Variants in SORCS2 observed in about 807,000 individuals in gnomAD.
The protein encoded by SORCS2 is sortilin related VPS10 domain containing receptor 2, also known as VPS10 domain-containing receptor SorCS2.
A neutral mutation model predicts 141.6 loss-of-function variants in SORCS2; 100 were observed. The ratio of observed to expected loss-of-function variants is 0.71; its 90% CI spans 0.60 to 0.83. SORCS2 has a LOEUF of 0.83. Among genes scored for constraint, SORCS2 ranks in the 40% least tolerant of loss-of-function variants. The pLI, the probability that SORCS2 is intolerant of heterozygous loss-of-function variation, is 0.00. For synonymous variants in SORCS2, 789 were observed against 676.9 expected (o/e 1.17, Z -2.57); for missense variants, 1,646 against 1,560.2 (o/e 1.05, Z -0.93).
chr4:7,302,104 C>T (rs1717474631), intron 1 of SORCS2, among the ~76,000 whole-genome samples: 1 of 152,372 alleles, frequency 6.6e-6, no homozygotes, highest in South Asian at 2.1e-4. Flanking sequence ...GATGACACGA[C>T]ATTTTATTTT....
At chr4:7,680,311 C>T (rs941445580) in intron 9 of SORCS2, among the ~76,000 whole-genome samples, 8 of 152,256 alleles carry the variant, frequency 5.3e-5, no homozygotes, top group African/African-American at 1.4e-4. Flanking sequence ...GCCCCACCCT[C>T]TCCCAGCCGC....
intron 4 of SORCS2, among the ~76,000 whole-genome samples, chr4:7,640,030 T>C (rs1720565797): frequency 7.0e-6 from 1 of 143,794 alleles, no homozygotes; most frequent in Non-Finnish European, 1.5e-5. Context: ...AGTGTGTACG[T>C]GAGTGTGCAT....
In SORCS2 at chr4:7,389,807, G is replaced by C. The variant is rs562489142; in HGVS notation, c.481-6481G>C. On this transcript the variant is annotated intron_variant, in intron 1 of 26. Coordinates refer to ENST00000507866, the MANE Select transcript of SORCS2 (RefSeq NM_020777.3). ...GTCAAGGCCGGAGCTCATGGCCAAGGGGGTGTGTTTGGAGTGCAGTCCGCG... is the reference window on the plus strand; with the variant it reads ...GTCAAGGCCGGAGCTCATGGCCAAGCGGGTGTGTTTGGAGTGCAGTCCGCG... Among the ~76,000 whole-genome samples, 4 of 152,328 alleles carry C rather than the reference G, an allele frequency of 2.6e-5. No homozygotes were observed. In the South Asian group the frequency reaches 8.3e-4, roughly 32 times the overall value.
At chr4:7,739,836 T>C (rs1439496591) in intron 26 of SORCS2, among the ~76,000 whole-genome samples, 2 of 152,126 alleles carry the variant, frequency 1.3e-5, no homozygotes, top group Admixed American at 1.3e-4. Context: ...CTCGCCACTC[T>C]ACGCCCTGCA....
At chr4:7,271,461 T>A (rs1181078446) in intron 1 of SORCS2, among the ~76,000 whole-genome samples, 2 of 152,190 alleles carry the variant, frequency 1.3e-5, no homozygotes, top group Non-Finnish European at 2.9e-5. Context: ...TGGAATACCC[T>A]TCCCCACTTC....
At chr4:7,605,857 C>T (rs1438349835) in intron 3 of SORCS2, among the ~76,000 whole-genome samples, 4 of 152,156 alleles carry the variant, frequency 2.6e-5, no homozygotes, top group African/African-American at 7.2e-5. Context: ...GCAGAGGCTG[C>T]AGCCAGTGGG....
chr4:7,526,985 C>A (rs2109529029), intron 2 of SORCS2, among the ~76,000 whole-genome samples: 1 of 152,322 alleles, frequency 6.6e-6, no homozygotes, highest in African/African-American at 2.4e-5. Context: ...GTGTATATTT[C>A]ATAGTCCCAG....
chr4:7,667,276 G>GCCCCCCAAA, intron 8 of SORCS2, 63 bp downstream of exon 8: 1 of 1,475,038 alleles, frequency 6.8e-7, no homozygotes, highest in Non-Finnish European at 9.5e-7. Flanking sequence ...TGACTCATGG[G>GCCCCCCAAA]GCAACAGGAC....
chr4:7,557,998 CCA>C (rs1714261021), intron 3 of SORCS2, among the ~76,000 whole-genome samples: 2 of 152,316 alleles, frequency 1.3e-5, no homozygotes, highest in Admixed American at 1.3e-4. Context: ...AACAGTTCAG[CCA>C]GATGCAGTTC....
At chr4:7,291,295 G>A (rs557329624) in intron 1 of SORCS2, among the ~76,000 whole-genome samples, 11 of 152,270 alleles carry the variant, frequency 7.2e-5, no homozygotes, top group African/African-American at 1.4e-4. Flanking sequence ...GGGTGTGGTC[G>A]TTTGCTTTTC....
intron 3 of SORCS2, among the ~76,000 whole-genome samples, chr4:7,635,092 G>C (rs1325727720): frequency 1.3e-5 from 2 of 152,220 alleles, no homozygotes; most frequent in African/African-American, 4.8e-5. Flanking sequence ...GAACACTAAG[G>C]TGCTGATGCT....
At chr4:7,200,539 A>G (rs1727431113) in intron 1 of SORCS2, among the ~76,000 whole-genome samples, 1 of 152,190 alleles carries the variant, frequency 6.6e-6, no homozygotes, top group Non-Finnish European at 1.5e-5. Context: ...TGCTTAGTAC[A>G]CATTTGCTAA....
chr4:7,354,250 G>A (rs747577581), intron 1 of SORCS2, among the ~76,000 whole-genome samples: 2 of 152,154 alleles, frequency 1.3e-5, no homozygotes, highest in Non-Finnish European at 2.9e-5. Context: ...AGGAGGACAG[G>A]ACACACTCAC....
chr4:7,559,109 G>C (rs1714344926), intron 3 of SORCS2, among the ~76,000 whole-genome samples: 1 of 152,164 alleles, frequency 6.6e-6, no homozygotes, highest in Non-Finnish European at 1.5e-5. Flanking sequence ...TCACTTTCCC[G>C]GGGAGGGGTT....
chr4:7,684,641 A>T (rs1415463596), intron 10 of SORCS2, among the ~76,000 whole-genome samples: 1 of 152,228 alleles, frequency 6.6e-6, no homozygotes, highest in Non-Finnish European at 1.5e-5. Context: ...AATAGAAAGA[A>T]CAAAAGTACC....
At chr4:7,449,313 CTTCTCT>C (rs1295396306) in intron 2 of SORCS2, among the ~76,000 whole-genome samples, 1 of 28,966 alleles carries the variant, frequency 3.5e-5, no homozygotes, top group African/African-American at 1.5e-4. Context: ...CCTTTCTTCC[CTTCTCT>C]CTTCCTTCCC....
At chr4:7,263,506 G>C (rs769477217) in intron 1 of SORCS2, among the ~76,000 whole-genome samples, 2 of 152,210 alleles carry the variant, frequency 1.3e-5, no homozygotes, top group Non-Finnish European at 1.5e-5. Flanking sequence ...GGGCGTGTCC[G>C]ACCTGATTGC....
intron 2 of SORCS2, among the ~76,000 whole-genome samples, chr4:7,448,104 T>C (rs1430281272): frequency 6.6e-6 from 1 of 152,116 alleles, no homozygotes; most frequent in Non-Finnish European, 1.5e-5. Context: ...TAGGCGAGAG[T>C]CCACTGTGGG....
rs1297812410 is a variant in SORCS2 at position 7,729,579 on chromosome 4, C to A, written c.2983-8C>A. On this transcript the variant is annotated splice_region_variant and splice_polypyrimidine_tract_variant and intron_variant, in intron 22 of 26. Coordinates refer to ENST00000507866, the MANE Select transcript of SORCS2 (RefSeq NM_020777.3). ...AGGCGGACCAAAGTGGCTTAACTCT[C>A]CCCGCAGGAGACCAGCGTCCCTCAG... 3 of 1,576,308 alleles carry A rather than the reference C, an allele frequency of 1.9e-6. No individual in the cohort carries two copies. The highest frequency in any genetic ancestry group is 1.4e-5 in the African/African-American group (1 of 74,030).
Sources: allele counts gnomAD v4.1 joint callset (sites outside exome capture counted in the v4.1 genomes callset), GRCh38; gene constraint gnomAD v4.1.1; transcripts MANE v1.5; gene names NCBI Gene and HGNC (gene_info 2026-07-23, HGNC 2026-07-21).